Variants in ANKRD12 observed in about 807,000 individuals in gnomAD.
ANKRD12 encodes ankyrin repeat domain 12, also known as ankyrin repeat domain-containing protein 12.
ANKRD12 carries 85 observed loss-of-function variants against 183.4 expected under a neutral mutation model. The ratio of observed to expected loss-of-function variants is 0.46; its 90% CI spans 0.39 to 0.56. ANKRD12 has a LOEUF of 0.56. ANKRD12 is among the 20% of genes least tolerant of loss of function. The pLI is 0.00. For missense variants in ANKRD12, 2,405 were observed against 2,357.1 expected (o/e 1.02, Z -0.42); for synonymous variants, 914 against 800.2 (o/e 1.14, Z -2.40).
At chr18:9,176,507 T>C (rs1266646556) in intron 1 of ANKRD12, among the ~76,000 whole-genome samples, 1 of 151,998 alleles carries the variant, frequency 6.6e-6, no homozygotes, top group Non-Finnish European at 1.5e-5. Context: ...CCCAGACTGC[T>C]CTTAAACTCC....
intron 1 of ANKRD12, among the ~76,000 whole-genome samples, chr18:9,180,750 A>G (rs1459057994): frequency 3.9e-5 from 6 of 152,196 alleles, no homozygotes; most frequent in Non-Finnish European, 8.8e-5. Context: ...ATTTTTCTAA[A>G]TAGTTATTGA....
intron 8 of ANKRD12, among the ~76,000 whole-genome samples, chr18:9,243,597 A>G (rs1169979589): frequency 1.3e-5 from 2 of 152,184 alleles, no homozygotes; most frequent in African/African-American, 2.4e-5. Flanking sequence ...AGCTGCAGTG[A>G]AAGAGGGTAA....
rs746441176 is a variant in ANKRD12 at position 9,281,012 on chromosome 18, C to T, written c.6075C>T (p.Leu2025=). The change falls in exon 13 of 13, where the codon CTC becomes CTT. Residue 2025 remains leucine, a synonymous_variant. Coordinates refer to ENST00000262126, the MANE Select transcript of ANKRD12 (RefSeq NM_015208.5). The stretch of plus-strand genomic sequence containing the variant: ...CTGTCCAGAGGTTAGAATGGCAGCT[C>T]AAACTCCAGGAACTTGATCCTGCCA... ...LNAVQRLEWQ[L]KLQELDPATY... is the part of the protein sequence containing the mutation. 7 of 1,614,012 alleles carry T rather than the reference C, an allele frequency of 4.3e-6. No individual in the cohort carries two copies. The African/African-American group carries it at 9.3e-5, about 22-fold the overall frequency.
chr18:9,138,415 A>C (rs935398338), intron 1 of ANKRD12, among the ~76,000 whole-genome samples: 1 of 152,218 alleles, frequency 6.6e-6, no homozygotes, highest in Non-Finnish European at 1.5e-5. Context: ...TGGGAAGCCG[A>C]GGCAGGGGAA....
In ANKRD12 at chr18:9,254,519, C is replaced by T. The variant is rs2038486044; in HGVS notation, c.1252C>T (p.Pro418Ser). The change falls in exon 9 of 13, where the codon CCA becomes TCA. Residue 418 changes from proline to serine, a missense_variant. Physicochemically the swap from Pro to Ser is moderately conservative, Grantham distance 74. Coordinates refer to ENST00000262126, the MANE Select transcript of ANKRD12 (RefSeq NM_015208.5). ...ATCATTTAAAAGTAAAAAACAAAAG[C>T]CATCTAGGGTCTTATATTCAAGTAC... ...PKSFKSKKQK[P>S]SRVLYSSTES... 2 of 1,541,532 alleles carry T rather than the reference C, an allele frequency of 1.3e-6. No homozygotes were observed. Among genetic ancestry groups the T allele is most frequent in the African/African-American group, 2.8e-5 (2 of 71,606 alleles).
chr18:9,260,978 G>A (rs959231590), intron 9 of ANKRD12, among the ~76,000 whole-genome samples: 1 of 152,002 alleles, frequency 6.6e-6, no homozygotes, highest in Middle Eastern at 3.2e-3. Flanking sequence ...CCCTCCTGTG[G>A]TCCCTTACCA....
In ANKRD12 at chr18:9,273,203, T is replaced by C. The variant is rs571807765; in HGVS notation, c.5764-2321T>C. ...AGTCCGTAGCAAATATTAGGATGGG[T>C]TGGGATCTGCAGCTGGACCCCAGGA... On this transcript the variant is annotated intron_variant, in intron 10 of 12. Transcript: ENST00000262126. Among the ~76,000 whole-genome samples, 4 of 152,252 alleles carry C rather than the reference T, an allele frequency of 2.6e-5. No individual in the cohort carries two copies. The South Asian group carries it at 8.3e-4, about 32-fold the overall frequency.
intron 5 of ANKRD12, among the ~76,000 whole-genome samples, 192 bp from the exon 6 acceptor site, chr18:9,211,392 T>C (rs1007564692): frequency 3.9e-5 from 6 of 152,150 alleles, no homozygotes; most frequent in Admixed American, 1.3e-4. Flanking sequence ...GCTAATGATA[T>C]TTGATAACCC....
intron 7 of ANKRD12, among the ~76,000 whole-genome samples, chr18:9,218,028 G>A (rs923472238): frequency 6.6e-6 from 1 of 152,056 alleles, no homozygotes; most frequent in Non-Finnish European, 1.5e-5. Flanking sequence ...TTACTTTCTG[G>A]CTTTGATATT....
At chr18:9,177,940 T>G (rs1010134139) in intron 1 of ANKRD12, among the ~76,000 whole-genome samples, 2 of 152,046 alleles carry the variant, frequency 1.3e-5, no homozygotes, top group Non-Finnish European at 2.9e-5. Context: ...CACTTTTAAA[T>G]TGGGTTGTTT....
intron 4 of ANKRD12, 114 bp downstream of exon 4, chr18:9,204,658 A>C (rs1371653145): frequency 3.7e-6 from 3 of 805,516 alleles, no homozygotes; most frequent in Non-Finnish European, 5.7e-6. Flanking sequence ...TCTTTGGTTA[A>C]ATAAATGAAC....
In ANKRD12 at chr18:9,283,026, A is replaced by G. The variant is rs1478360873; in HGVS notation, c.*1900A>G. 1 of 152,596 alleles carries G rather than the reference A, an allele frequency of 6.6e-6. No individual in the cohort carries two copies. Among genetic ancestry groups the G allele is most frequent in the Non-Finnish European group, 1.5e-5 (1 of 68,002 alleles). 9.5% of individuals were successfully genotyped at this position (152,596 alleles called of 1,614,324 possible). The stretch of plus-strand genomic sequence containing the variant: ...GAAGTTAAGTTTATTAAGCCTGGGA[A>G]CATTAAAAGCTAATTTATAAAAGCA... On this transcript the variant is annotated 3_prime_UTR_variant, in exon 13 of 13. Coordinates refer to ENST00000262126, the MANE Select transcript of ANKRD12 (RefSeq NM_015208.5).
chr18:9,263,340 T>A (rs1026212616), intron 9 of ANKRD12, among the ~76,000 whole-genome samples: 15 of 152,192 alleles, frequency 9.9e-5, no homozygotes, highest in Non-Finnish European at 1.8e-4. Flanking sequence ...TATAAAAGAA[T>A]TAAATGTAAC....
intron 1 of ANKRD12, among the ~76,000 whole-genome samples, chr18:9,180,637 T>G (rs755442847): frequency 8.5e-5 from 13 of 152,174 alleles, no homozygotes; most frequent in Non-Finnish European, 1.5e-4. Context: ...GATTACAGTA[T>G]ACATCTTGCA....
At chr18:9,172,738 C>T (rs1252574741) in intron 1 of ANKRD12, among the ~76,000 whole-genome samples, 3 of 152,188 alleles carry the variant, frequency 2.0e-5, no homozygotes, top group East Asian at 3.8e-4. Context: ...CCATCTCAGC[C>T]TCAGCCCAGT....
intron 10 of ANKRD12, among the ~76,000 whole-genome samples, chr18:9,265,053 C>T (rs1201549233): frequency 6.6e-6 from 1 of 152,116 alleles, no homozygotes; most frequent in Non-Finnish European, 1.5e-5. Flanking sequence ...GAGATCAAAC[C>T]GCAAGGCGGG....
rs890166392 is a variant in ANKRD12 at position 9,254,784 on chromosome 18, A to G, written c.1517A>G (p.Asn506Ser). 1.3e-5 allele frequency: 19 copies of G among 1,477,364 alleles called. No individual in the cohort carries two copies. The highest frequency in any genetic ancestry group is 1.3e-5 in the Non-Finnish European group (15 of 1,115,980). 91.5% of individuals were successfully genotyped at this position (1,477,364 alleles called of 1,614,324 possible). Reference protein sequence around the residue: ...ENTRITNLTVNTGLDCSEKTR... With the variant: ...ENTRITNLTVSTGLDCSEKTR... ...ACAAGAATAACAAACTTGACAGTAA[A>G]TACTGGACTAGATTGTTCAGAAAAG... The change falls in exon 9 of 13, where the codon AAT becomes AGT. Residue 506 changes from asparagine to serine, a missense_variant. By Grantham distance (46) the Asn-to-Ser change is conservative. This residue lies in a region of ANKRD12 where 1,983 missense variants were observed against 1,725.9 expected (regional missense o/e 1.15). Transcript: ENST00000262126.
intron 1 of ANKRD12, among the ~76,000 whole-genome samples, chr18:9,174,932 T>G (rs1249747614): frequency 2.4e-4 from 2 of 8,164 alleles, no homozygotes; most frequent in African/African-American, 5.3e-4. Context: ...ACCAAAGCAT[T>G]TATTTATTTA....
At chr18:9,225,909 C>G (rs2036678876) in intron 8 of ANKRD12, among the ~76,000 whole-genome samples, 1 of 151,902 alleles carries the variant, frequency 6.6e-6, no homozygotes, top group Non-Finnish European at 1.5e-5. Context: ...GCTCTGTTTC[C>G]TTTATTACAC....
Sources: gnomAD v4.1 joint callset for allele counts (sites outside exome capture counted in the v4.1 genomes callset) on GRCh38, gnomAD v4.1.1 for gene constraint, gnomAD v4.1.1 regional missense constraint, MANE v1.5 for transcripts, NCBI Gene and HGNC (gene_info 2026-07-23, HGNC 2026-07-21) for gene names.